MYOM3: variants seen among roughly 807,000 people sequenced by gnomAD.
MYOM3 encodes the protein myomesin-3.
Under a neutral mutation model 191.7 loss-of-function variants are expected in MYOM3, and 155 were observed. The observed-to-expected ratio is 0.81, with a 90% confidence interval of 0.71 to 0.92. The LOEUF (loss-of-function observed/expected upper bound fraction) is 0.92. MYOM3 is among the 40% of genes least tolerant of loss of function. The pLI is 0.00. For synonymous variants in MYOM3, 757 were observed against 762.9 expected (o/e 0.99, Z 0.13); for missense variants, 1,889 against 1,890.6 (o/e 1.00, Z 0.02).
chr1:24,088,927 ACT>A (rs1295388498), intron 14 of MYOM3, among the ~76,000 whole-genome samples: 1 of 152,058 alleles, frequency 6.6e-6, no homozygotes, highest in African/African-American at 2.4e-5. Context: ...AGTTTAGGAC[ACT>A]CACTCAGGAT....
At chr1:24,081,477 A>G in intron 18 of MYOM3, 21 bp from the exon 19 acceptor site, 1 of 1,611,088 alleles carries the variant, frequency 6.2e-7, no homozygotes, top group African/African-American at 1.3e-5. Context: ...AGAAACACAA[A>G]CTATGAGGCT....
chr1:24,096,289 C>T (rs985251712), intron 7 of MYOM3, among the ~76,000 whole-genome samples: 27 of 152,108 alleles, frequency 1.8e-4, no homozygotes, highest in African/African-American at 6.0e-4. Flanking sequence ...CAAGTGGCTA[C>T]GGAGATGAAA....
Position 24,057,518 on chromosome 1 carries a change from C to A in MYOM3, c.4160G>T (p.Gly1387Val), listed in dbSNP as rs2148539161. 1.2e-6 allele frequency: 2 copies of A among 1,614,164 alleles called. No individual in the cohort carries two copies. The highest frequency in any genetic ancestry group is 1.7e-6 in the Non-Finnish European group (2 of 1,180,008). ...FLDRYRMEVR[G>V]TEVTITIEKV... ...CTCAATGGTGATGGTGACCTCTGTCCCCCTCACTTCCATGCGGTATCGGTC... is the reference window on the plus strand; with the variant it reads ...CTCAATGGTGATGGTGACCTCTGTCACCCTCACTTCCATGCGGTATCGGTC... The change falls in exon 37 of 37, where the codon GGG becomes GTG. Residue 1387 changes from glycine to valine, a missense_variant. Coordinates refer to ENST00000374434, the MANE Select transcript of MYOM3 (RefSeq NM_152372.4).
chr1:24,085,280 A>AGACG (rs1643724563), intron 15 of MYOM3, among the ~76,000 whole-genome samples: 3 of 137,600 alleles, frequency 2.2e-5, no homozygotes, highest in African/African-American at 8.1e-5. Context: ...ATGGATGGAT[A>AGACG]GATGGATGGA....
chr1:24,107,659 T>C (rs1326203597), intron 3 of MYOM3, among the ~76,000 whole-genome samples: 4 of 152,262 alleles, frequency 2.6e-5, no homozygotes, highest in South Asian at 2.1e-4. Context: ...TCTGGCCTTG[T>C]GGGAAACTGG....
chr1:24,093,058 GGC>G lies in MYOM3; in HGVS notation c.977_978del (p.Arg326ProfsTer72). Reference protein sequence around the residue: ...SRRRKILYTDRQASLKVSCTY... With the variant: ...SRRRKILYTDXQASLKVSCTY... ...GTGCAGGACACCTTCAGGGATGCCT[GGC>G]GGTCTGTGTAGAGGATCTTCCGACG... On this transcript the variant is annotated frameshift_variant, in exon 10 of 37. Coordinates refer to ENST00000374434, the MANE Select transcript of MYOM3 (RefSeq NM_152372.4). LOFTEE classifies it high-confidence loss of function. The G allele has an allele frequency of 6.2e-7, 1 of 1,613,032 alleles. No homozygotes were observed. Among genetic ancestry groups the G allele is most frequent in the South Asian group, 1.1e-5 (1 of 91,050 alleles).
rs558326490 is a variant in MYOM3 at position 24,076,507 on chromosome 1, CT to C, written c.2587-235del. On this transcript the variant is annotated intron_variant, in intron 20 of 36. Transcript: ENST00000374434. ...CATCTGTTTTATTTCCCTAATGTTT[CT>C]TTTTTTTTTTTTTTTTTTTTTTTGA... 4.3e-4 allele frequency among the ~76,000 whole-genome samples: 21 copies of C among 49,108 alleles called. 4 individuals are homozygous for C. Among genetic ancestry groups the C allele is most frequent in the African/African-American group, 1.4e-3 (20 of 14,112 alleles). The allele number at this position is 49,108 out of a possible 152,430, so 32.2% of individuals were successfully genotyped here. A position where few individuals can be genotyped will look rare whatever the true frequency, so the allele number is the denominator to read the frequency against.
Position 24,081,404 on chromosome 1 carries a change from TTGGCAGCCCGGGCA to T in MYOM3, c.2319_2332del (p.Ala774LeufsTer15). On this transcript the variant is annotated frameshift_variant, in exon 19 of 37. Coordinates refer to ENST00000374434, the MANE Select transcript of MYOM3 (RefSeq NM_152372.4). LOFTEE classifies it high-confidence loss of function. ...CGACAGCTCGCCAACACCTGCCCAG[TTGGCAGCCCGGGCA>T]CGGAACTCATAGAAGTGGCCTTCAT... 6.2e-7 allele frequency: 1 copy of T among 1,614,104 alleles called. No homozygotes were observed. The highest frequency in any genetic ancestry group is 8.5e-7 in the Non-Finnish European group (1 of 1,180,008).
chr1:24,071,486 A>G (rs2148546176), intron 24 of MYOM3, among the ~76,000 whole-genome samples: 1 of 152,304 alleles, frequency 6.6e-6, no homozygotes, highest in Middle Eastern at 3.4e-3. Flanking sequence ...GCAGTTCTCA[A>G]CCTGGCAGGG....
At position 24,105,946 on chromosome 1, in the gene MYOM3, C is replaced by G. The variant is rs766807829; in HGVS notation, c.534G>C (p.Gln178His). Residue 178 changes from glutamine (Q) to histidine (H), a missense_variant, in exon 5 of 37, where the codon CAG (glutamine) becomes CAC (histidine). Coordinates refer to ENST00000374434, the MANE Select transcript of MYOM3 (RefSeq NM_152372.4). Reference protein sequence around the residue: ...HTTVLLTCTVQASPPPQVTWY... With the variant: ...HTTVLLTCTVHASPPPQVTWY... ...AGGTGACCTGGGGTGGTGGTGAGGC[C>G]TGGACAGTGCAGGTCAGCAGGACCG... is the stretch of plus-strand genomic sequence containing the variant. 1.2e-6 allele frequency: 2 copies of G among 1,613,274 alleles called. No individual in the cohort carries two copies. The highest frequency in any genetic ancestry group is 2.2e-5 in the East Asian group (1 of 44,888).
chr1:24,073,809 G>A (rs1643560960), intron 23 of MYOM3, among the ~76,000 whole-genome samples: 1 of 148,038 alleles, frequency 6.8e-6, no homozygotes, highest in Non-Finnish European at 1.5e-5. Flanking sequence ...GTTGCAGTGA[G>A]CCGAGATCGT....
At chr1:24,071,741 T>C (rs1222296763) in intron 24 of MYOM3, among the ~76,000 whole-genome samples, 7 of 152,232 alleles carry the variant, frequency 4.6e-5, no homozygotes, top group Admixed American at 3.9e-4. Context: ...ACAGTAATTA[T>C]AAAAGAGGAA....
intron 19 of MYOM3, 101 bp from the exon 20 acceptor site, chr1:24,080,295 C>T (rs1267442038): frequency 1.1e-6 from 1 of 928,446 alleles, no homozygotes; most frequent in Admixed American, 2.6e-5. Flanking sequence ...GCTTGTCAAT[C>T]CCTCAGTCAC....
At chr1:24,089,930 C>T (rs959167618) in intron 13 of MYOM3, 135 bp downstream of exon 13, 2 of 899,242 alleles carry the variant, frequency 2.2e-6, no homozygotes, top group Non-Finnish European at 3.5e-6. Flanking sequence ...AGCACTCTGA[C>T]TGCCTCCAAC....
Position 24,068,376 on chromosome 1 carries a change from G to A in MYOM3, c.3151-9C>T, listed in dbSNP as rs1432563007. On this transcript the variant is annotated splice_polypyrimidine_tract_variant and intron_variant, in intron 25 of 36. Transcript: ENST00000374434. ...AAATTGATTTTGCGGTTCTGAAAAG[G>A]ACAAACTCCAGAGTCCTTTTCCCTG... 3 of 1,613,986 alleles carry A rather than the reference G, an allele frequency of 1.9e-6. No homozygotes were observed. The highest frequency in any genetic ancestry group is 1.3e-5 in the African/African-American group (1 of 74,918).
Position 24,063,361 on chromosome 1 carries a change from C to A in MYOM3, c.3662-127G>T. ...GGGGAAATGCAGTGCTGTGAAGAGG[C>A]GGGATTTTCTCTTCGGTGTTTGAGG... On this transcript the variant is annotated intron_variant, in intron 31 of 36. Coordinates refer to ENST00000374434, the MANE Select transcript of MYOM3 (RefSeq NM_152372.4). This position sits in a 1 kb window ranked among gnomAD's most constrained non-coding sequence, Gnocchi z 4.5. The A allele has an allele frequency of 7.2e-7, 1 of 1,385,124 alleles. No homozygotes were observed. Among genetic ancestry groups the A allele is most frequent in the Non-Finnish European group, 1.0e-6 (1 of 975,558 alleles). 85.8% of individuals were successfully genotyped at this position (1,385,124 alleles called of 1,614,324 possible).
At chr1:24,068,435 G>A in intron 25 of MYOM3, 68 bp from the exon 26 acceptor site, 2 of 1,588,080 alleles carry the variant, frequency 1.3e-6, no homozygotes, top group Non-Finnish European at 1.7e-6. Context: ...ACACATCAGA[G>A]TGTAGTGGGC....
chr1:24,092,688 G>A (rs924566394), intron 10 of MYOM3, among the ~76,000 whole-genome samples: 4 of 152,156 alleles, frequency 2.6e-5, no homozygotes, highest in African/African-American at 7.2e-5. Flanking sequence ...CCTAAGCAGT[G>A]GCCAGAATCA....
At chr1:24,061,867 C>T (rs1643373259) in intron 33 of MYOM3, 79 bp downstream of exon 33, 13 of 1,511,774 alleles carry the variant, frequency 8.6e-6, no homozygotes, top group South Asian at 3.6e-5. Flanking sequence ...GCTGGGATTA[C>T]AGGACTGACC....
Sources: allele counts gnomAD v4.1 joint callset (sites outside exome capture counted in the v4.1 genomes callset), GRCh38; gene constraint gnomAD v4.1.1; non-coding constraint Gnocchi (gnomAD v3.1); transcripts MANE v1.5; gene names NCBI Gene and HGNC (gene_info 2026-07-23, HGNC 2026-07-21).